Variants in SLC24A3 observed in about 807,000 individuals in gnomAD.
The protein encoded by SLC24A3 is sodium/potassium/calcium exchanger 3.
Under a neutral mutation model 75.8 loss-of-function variants are expected in SLC24A3, and 28 were observed. That is an observed-to-expected ratio of 0.37 (90% CI 0.27 to 0.51). SLC24A3 has a LOEUF of 0.51. SLC24A3 is among the 20% of genes least tolerant of loss of function. The pLI is 0.94. For missense variants in SLC24A3, 663 were observed against 847.8 expected (o/e 0.78, Z 2.71); for synonymous variants, 372 against 334.1 (o/e 1.11, Z -1.24).
intron 6 of SLC24A3, among the ~76,000 whole-genome samples, chr20:19,647,817 G>C (rs752977516): frequency 2.6e-5 from 4 of 152,178 alleles, no homozygotes; most frequent in Non-Finnish European, 5.9e-5. Flanking sequence ...GCACTGTCCT[G>C]ATATGGCCTT....
intron 2 of SLC24A3, among the ~76,000 whole-genome samples, chr20:19,486,255 C>T (rs1236711704): frequency 6.6e-6 from 1 of 152,024 alleles, no homozygotes; most frequent in Non-Finnish European, 1.5e-5. Context: ...AAATTCTGTT[C>T]CTAAATTGTA....
At chr20:19,711,695 A>G (rs1160430235) in intron 15 of SLC24A3, among the ~76,000 whole-genome samples, 1 of 151,918 alleles carries the variant, frequency 6.6e-6, no homozygotes, top group Non-Finnish European at 1.5e-5. Flanking sequence ...GCTGGAGTGC[A>G]GTGGCTTGAT....
intron 8 of SLC24A3, among the ~76,000 whole-genome samples, chr20:19,668,972 T>C (rs930684370): frequency 6.6e-6 from 1 of 152,158 alleles, no homozygotes; most frequent in Non-Finnish European, 1.5e-5. Flanking sequence ...CTTGCATCTC[T>C]TTGGTCGCAG....
chr20:19,394,905 A>G (rs1032912962), intron 2 of SLC24A3, among the ~76,000 whole-genome samples: 1 of 152,186 alleles, frequency 6.6e-6, no homozygotes, highest in South Asian at 2.1e-4. Flanking sequence ...ACTCAAACAG[A>G]TATCTGTACC....
chr20:19,556,664 A>C (rs921793063), intron 3 of SLC24A3, among the ~76,000 whole-genome samples: 3 of 151,872 alleles, frequency 2.0e-5, no homozygotes, highest in African/African-American at 4.8e-5. Context: ...GGCTTGTCAC[A>C]ACTGGTTGGG....
At chr20:19,545,483 G>T (rs942226978) in intron 3 of SLC24A3, among the ~76,000 whole-genome samples, 3 of 152,150 alleles carry the variant, frequency 2.0e-5, no homozygotes, top group Non-Finnish European at 4.4e-5. Context: ...TCGGACTCTT[G>T]CTCCCATGTG....
At chr20:19,543,602 G>A (rs1410424787) in intron 3 of SLC24A3, among the ~76,000 whole-genome samples, 2 of 152,190 alleles carry the variant, frequency 1.3e-5, no homozygotes, top group Admixed American at 6.5e-5. Context: ...CACAGCAGCA[G>A]AGGGAGGGAG....
At chr20:19,561,462 T>C (rs2030873744) in intron 3 of SLC24A3, among the ~76,000 whole-genome samples, 1 of 152,068 alleles carries the variant, frequency 6.6e-6, no homozygotes, top group Non-Finnish European at 1.5e-5. Flanking sequence ...GGAAGAAAAA[T>C]AAACCAACCT....
chr20:19,247,644 T>C (rs1006294151), intron 1 of SLC24A3, among the ~76,000 whole-genome samples: 1 of 152,220 alleles, frequency 6.6e-6, no homozygotes, highest in Non-Finnish European at 1.5e-5. Context: ...TAGGTATAAA[T>C]GCTCATCAGA....
intron 3 of SLC24A3, 59 bp downstream of exon 3, chr20:19,515,623 G>A: frequency 6.4e-7 from 1 of 1,571,112 alleles, no homozygotes; most frequent in Non-Finnish European, 8.7e-7. Context: ...AGGGGTGTGG[G>A]GTGTGGCACC....
chr20:19,580,318 C>T (rs2031201091), intron 4 of SLC24A3, among the ~76,000 whole-genome samples: 1 of 152,170 alleles, frequency 6.6e-6, no homozygotes, highest in East Asian at 1.9e-4. Flanking sequence ...ACCTCCCCAA[C>T]TCCATTTAGA....
chr20:19,684,122 C>T (rs1324414679), intron 10 of SLC24A3, 54 bp from the exon 11 acceptor site: 1 of 1,576,608 alleles, frequency 6.3e-7, no homozygotes, highest in African/African-American at 1.3e-5. Flanking sequence ...ATGAATGCCT[C>T]TTTCCTGCTC....
chr20:19,512,547 C>G (rs1032310806), intron 2 of SLC24A3, among the ~76,000 whole-genome samples: 5 of 152,350 alleles, frequency 3.3e-5, no homozygotes, highest in South Asian at 2.1e-4. Context: ...CTTCATTCAG[C>G]CAGTTGCTGT....
intron 6 of SLC24A3, among the ~76,000 whole-genome samples, chr20:19,625,833 T>C (rs1013667957): frequency 2.0e-5 from 3 of 152,186 alleles, no homozygotes; most frequent in Non-Finnish European, 1.5e-5. Flanking sequence ...TATATATCTT[T>C]CCCTGAAGTC....
At chr20:19,637,105 C>T (rs966865414) in intron 6 of SLC24A3, among the ~76,000 whole-genome samples, 1 of 152,002 alleles carries the variant, frequency 6.6e-6, no homozygotes, top group African/African-American at 2.4e-5. Context: ...TCAAGATCCG[C>T]CTGGCCAACA....
At chr20:19,465,325 C>T (rs918091236) in intron 2 of SLC24A3, among the ~76,000 whole-genome samples, 4 of 151,940 alleles carry the variant, frequency 2.6e-5, no homozygotes, top group African/African-American at 9.7e-5. Context: ...GACACAGTGC[C>T]CAGTCCTCTC....
At chr20:19,340,914 T>C (rs569125709) in intron 2 of SLC24A3, among the ~76,000 whole-genome samples, 3 of 152,292 alleles carry the variant, frequency 2.0e-5, no homozygotes, top group African/African-American at 7.2e-5. Flanking sequence ...GGAGGTCTCA[T>C]TGGGCCCCTT....
intron 1 of SLC24A3, chr20:19,243,919 G>A (rs190546903): frequency 1.5e-4 from 23 of 152,276 alleles, no homozygotes; most frequent in African/African-American, 5.1e-4. Flanking sequence ...TCCTGAGCAT[G>A]ATTCCAGTAT....
At chr20:19,271,750 A>G (rs1280219128) in intron 1 of SLC24A3, among the ~76,000 whole-genome samples, 1 of 152,110 alleles carries the variant, frequency 6.6e-6, no homozygotes, top group Non-Finnish European at 1.5e-5. Context: ...AAAACCAAAC[A>G]TTGTATGTTC....
Sources: allele counts gnomAD v4.1 joint callset (sites outside exome capture counted in the v4.1 genomes callset), GRCh38; gene constraint gnomAD v4.1.1; transcripts MANE v1.5; gene names NCBI Gene and HGNC (gene_info 2026-07-23, HGNC 2026-07-21).